Variants in CNTNAP2 observed in about 807,000 individuals in gnomAD.
The protein encoded by CNTNAP2 is contactin-associated protein-like 2.
Under a neutral mutation model 155.2 loss-of-function variants are expected in CNTNAP2, and 98 were observed. The ratio of observed to expected loss-of-function variants is 0.63; its 90% confidence interval spans 0.54 to 0.75. The LOEUF (loss-of-function observed/expected upper bound fraction) is 0.75, where lower values mean the gene tolerates loss of function less well. CNTNAP2 is among the 30% of genes least tolerant of loss of function. The probability of loss-of-function intolerance (pLI) is 0.00; values close to 1 mark genes in which losing one functional copy is unlikely to be tolerated. For missense variants in CNTNAP2, 1,727 were observed against 1,688.1 expected (o/e 1.02, Z -0.40); for synonymous variants, 651 against 631.2 (o/e 1.03, Z -0.47).
intron 13 of CNTNAP2, among the ~76,000 whole-genome samples, chr7:147,859,010 A>G (rs1799092017): frequency 6.6e-6 from 1 of 152,134 alleles, no homozygotes; most frequent in Admixed American, 6.6e-5. Context: ...TAGGAAACCA[A>G]AGTTCTATCC....
intron 8 of CNTNAP2, among the ~76,000 whole-genome samples, chr7:147,269,897 T>C (rs1377586436): frequency 6.6e-6 from 1 of 152,034 alleles, no homozygotes; most frequent in African/African-American, 2.4e-5. Context: ...CTAAAAAATA[T>C]TTTTAAATTA....
intron 11 of CNTNAP2, among the ~76,000 whole-genome samples, chr7:147,504,745 T>C (rs1266743906): frequency 1.3e-5 from 2 of 151,230 alleles, no homozygotes; most frequent in Non-Finnish European, 2.9e-5. Flanking sequence ...ACATTAAATT[T>C]TGGAGTTATA....
At chr7:146,660,922 C>T (rs1157630792) in intron 1 of CNTNAP2, among the ~76,000 whole-genome samples, 4 of 152,082 alleles carry the variant, frequency 2.6e-5, no homozygotes, top group East Asian at 1.9e-4. Flanking sequence ...AGAAGTGAGG[C>T]GGGGAATGTG....
intron 8 of CNTNAP2, among the ~76,000 whole-genome samples, chr7:147,166,767 C>G (rs1024744116): frequency 6.6e-6 from 1 of 151,838 alleles, no homozygotes; most frequent in African/African-American, 2.4e-5. Context: ...TCACAAGGTA[C>G]TCAGTAGGGG....
chr7:146,446,593 C>T (rs1331248237), intron 1 of CNTNAP2, among the ~76,000 whole-genome samples: 3 of 151,990 alleles, frequency 2.0e-5, no homozygotes, highest in African/African-American at 7.3e-5. Flanking sequence ...GGGGAAAAAA[C>T]AAAACAAAAC....
At chr7:146,767,619 A>G (rs1049625455) in intron 1 of CNTNAP2, among the ~76,000 whole-genome samples, 11 of 152,212 alleles carry the variant, frequency 7.2e-5, no homozygotes, top group African/African-American at 2.7e-4. Context: ...AAAGCAATGT[A>G]TGAACCATAA....
chr7:146,170,432 G>T (rs1321778757), intron 1 of CNTNAP2, among the ~76,000 whole-genome samples: 1 of 151,968 alleles, frequency 6.6e-6, no homozygotes, highest in Admixed American at 6.6e-5. Flanking sequence ...TCACATGCTT[G>T]CCAACATTTG....
intron 12 of CNTNAP2, among the ~76,000 whole-genome samples, chr7:147,601,642 A>ATATATAT (rs1314419534): frequency 6.9e-5 from 6 of 87,530 alleles, no homozygotes; most frequent in African/African-American, 2.7e-4. Context: ...CTCTTAAAAA[A>ATATATAT]AAATATATAT....
chr7:147,313,549 G>C (rs1443592706), intron 9 of CNTNAP2, among the ~76,000 whole-genome samples: 2 of 147,646 alleles, frequency 1.4e-5, no homozygotes, highest in Non-Finnish European at 3.0e-5. Flanking sequence ...TTTTTCTCAG[G>C]TTTGTCAAAG....
At chr7:146,568,158 T>C (rs1798386993) in intron 1 of CNTNAP2, among the ~76,000 whole-genome samples, 1 of 152,136 alleles carries the variant, frequency 6.6e-6, no homozygotes, top group African/African-American at 2.4e-5. Context: ...ATGTTTTCTT[T>C]TGACTTCGGG....
intron 1 of CNTNAP2, among the ~76,000 whole-genome samples, chr7:146,225,568 T>C (rs530713413): frequency 2.0e-5 from 3 of 151,608 alleles, no homozygotes; most frequent in Admixed American, 1.3e-4. Context: ...TCTAACCAAA[T>C]AGAAGAAAAC....
chr7:146,268,719 T>C (rs1385287251), intron 1 of CNTNAP2, among the ~76,000 whole-genome samples: 1 of 152,094 alleles, frequency 6.6e-6, no homozygotes, highest in Non-Finnish European at 1.5e-5. Flanking sequence ...TGGAATAGAA[T>C]TAAGGGAAAA....
chr7:147,203,849 A>T (rs1722476358), intron 8 of CNTNAP2, among the ~76,000 whole-genome samples: 1 of 152,168 alleles, frequency 6.6e-6, no homozygotes, highest in African/African-American at 2.4e-5. Flanking sequence ...TACTAATTGT[A>T]CCAGCTAGAA....
At chr7:148,197,702 CT>C (rs1795298662) in intron 18 of CNTNAP2, among the ~76,000 whole-genome samples, 1 of 152,200 alleles carries the variant, frequency 6.6e-6, no homozygotes, top group Admixed American at 6.5e-5. Flanking sequence ...TTTCAGCAAT[CT>C]TGACAGGCTT....
chr7:147,197,347 C>A (rs1004990654), intron 8 of CNTNAP2, among the ~76,000 whole-genome samples: 2 of 151,030 alleles, frequency 1.3e-5, no homozygotes, highest in African/African-American at 2.4e-5. Context: ...CCCCGCCCCC[C>A]GTGGAGTGTA....
At chr7:147,146,159 C>A (rs926072033) in intron 8 of CNTNAP2, 1 of 152,136 alleles carries the variant, frequency 6.6e-6, no homozygotes, top group Non-Finnish European at 1.5e-5. Context: ...AAAAATTGAG[C>A]GGGGAAAGGA....
chr7:146,396,785 G>A (rs943273736), intron 1 of CNTNAP2, among the ~76,000 whole-genome samples: 1 of 151,124 alleles, frequency 6.6e-6, no homozygotes, highest in Non-Finnish European at 1.5e-5. Flanking sequence ...GTACTAGCAT[G>A]CTAAATATTT....
At chr7:147,549,936 G>T (rs1378697485) in intron 11 of CNTNAP2, among the ~76,000 whole-genome samples, 2 of 152,056 alleles carry the variant, frequency 1.3e-5, no homozygotes, top group African/African-American at 2.4e-5. Context: ...ATTTTTATTA[G>T]AATGTCAATG....
At chr7:147,044,159 A>T in intron 4 of CNTNAP2, 105 bp downstream of exon 4, 1 of 1,260,116 alleles carries the variant, frequency 7.9e-7, no homozygotes, top group Non-Finnish European at 1.1e-6. Flanking sequence ...CTGACAATAA[A>T]CTACCTTCTC....
Sources: allele counts gnomAD v4.1 joint callset (sites outside exome capture counted in the v4.1 genomes callset), GRCh38; gene constraint gnomAD v4.1.1; transcripts MANE v1.5; gene names NCBI Gene and HGNC (gene_info 2026-07-23, HGNC 2026-07-21).